VLDLR: variants seen among roughly 807,000 people sequenced by gnomAD.
VLDLR encodes very low density lipoprotein receptor.
Under a neutral mutation model 112.7 loss-of-function variants are expected in VLDLR, and 81 were observed. That is an observed-to-expected ratio of 0.72 (90% CI 0.60 to 0.86). VLDLR has a LOEUF of 0.86. Among genes scored for constraint, VLDLR ranks in the 40% least tolerant of loss-of-function variants. VLDLR has a pLI of 0.00. For missense variants in VLDLR, 1,237 were observed against 1,099.4 expected (o/e 1.13, Z -1.77); for synonymous variants, 436 against 384.8 (o/e 1.13, Z -1.56).
chr9:2,632,055 C>T (rs1234433938), intron 1 of VLDLR, among the ~76,000 whole-genome samples: 1 of 152,126 alleles, frequency 6.6e-6, no homozygotes, highest in East Asian at 1.9e-4. Flanking sequence ...GGAATTCATT[C>T]ATTACAAATT....
At chr9:2,645,534 C>A in intron 9 of VLDLR, 40 bp from the exon 10 acceptor site, 1 of 1,613,896 alleles carries the variant, frequency 6.2e-7, no homozygotes, top group Non-Finnish European at 8.5e-7. Context: ...ACCTTGCCTT[C>A]TTAAAGCAAA....
chr9:2,640,794 T>G (rs2130787056), intron 3 of VLDLR, among the ~76,000 whole-genome samples: 1 of 152,274 alleles, frequency 6.6e-6, no homozygotes. Flanking sequence ...GTAATATTGG[T>G]CAAGGCAAGT....
At chr9:2,631,614 T>C (rs545169949) in intron 1 of VLDLR, among the ~76,000 whole-genome samples, 2 of 152,224 alleles carry the variant, frequency 1.3e-5, no homozygotes, top group East Asian at 3.9e-4. Context: ...CTTAAATATT[T>C]CATTCCATGG....
chr9:2,624,446 G>T (rs1289299491), intron 1 of VLDLR, among the ~76,000 whole-genome samples: 1 of 152,182 alleles, frequency 6.6e-6, no homozygotes, highest in Non-Finnish European at 1.5e-5. Flanking sequence ...CTGAGACTCT[G>T]GCAAGGAACT....
At chr9:2,643,016 C>A in intron 4 of VLDLR, 144 bp from the exon 5 acceptor site, 1 of 1,240,920 alleles carries the variant, frequency 8.1e-7, no homozygotes, top group Non-Finnish European at 1.1e-6. Context: ...TACAAAAGTT[C>A]TTGATTTAAC....
rs751558240 is a variant in VLDLR at position 2,645,590 on chromosome 9, G to C, written c.1329G>C (p.Leu443=). The change falls in exon 10 of 19, where the codon CTG becomes CTC. Residue 443 remains leucine, a synonymous_variant. Coordinates refer to ENST00000382100, the MANE Select transcript of VLDLR (RefSeq NM_003383.5). ...ATCTTGCAGGCAAAGAGCCAAGTCT[G>C]ATCTTCACTAATCGAAGAGACATCA... ...VCKAVGKEPS[L]IFTNRRDIRK... 2.5e-6 allele frequency: 4 copies of C among 1,614,092 alleles called. No homozygotes were observed. The African/African-American group carries it at 5.3e-5, about 22-fold the overall frequency.
chr9:2,648,508 A>G (rs1278180598), intron 13 of VLDLR, among the ~76,000 whole-genome samples, 161 bp downstream of exon 13: 2 of 152,170 alleles, frequency 1.3e-5, no homozygotes, highest in African/African-American at 4.8e-5. Flanking sequence ...TCCCAGAAGC[A>G]CTCCACACCT....
chr9:2,649,892 A>G (rs1262188916), intron 14 of VLDLR, among the ~76,000 whole-genome samples: 5 of 149,172 alleles, frequency 3.4e-5, no homozygotes, highest in African/African-American at 7.4e-5. Flanking sequence ...TAGATTCTCA[A>G]ACACATCGGG....
chr9:2,632,192 T>C (rs1396965632), intron 1 of VLDLR, among the ~76,000 whole-genome samples: 1 of 152,128 alleles, frequency 6.6e-6, no homozygotes, highest in Non-Finnish European at 1.5e-5. Context: ...CTTTTCAAAT[T>C]CTTACACCAA....
rs769691823 is a variant in VLDLR, at chr9:2,643,745, A to G, written c.938A>G (p.Lys313Arg). Reference sequence around the variant, plus strand: ...GATGGTTCCGATGAAGTCAACTGCAAAAATGGTAAGGGTTTCTTCTTGTTG... The same window carrying G: ...GATGGTTCCGATGAAGTCAACTGCAGAAATGGTAAGGGTTTCTTCTTGTTG... ...CVDGSDEVNC[K>R]NVNQCLGPGK... The change falls in exon 6 of 19, where the codon AAA (lysine) becomes AGA (arginine). Residue 313 changes from lysine (K) to arginine (R), a missense_variant. Coordinates refer to ENST00000382100, the MANE Select transcript of VLDLR (RefSeq NM_003383.5). The G allele has an allele frequency of 1.2e-6, 2 of 1,614,228 alleles. No individual in the cohort carries two copies. The highest frequency in any genetic ancestry group is 2.2e-5 in the East Asian group (1 of 44,882).
chr9:2,627,668 G>C (rs1023231625), intron 1 of VLDLR, among the ~76,000 whole-genome samples: 1 of 152,048 alleles, frequency 6.6e-6, no homozygotes, highest in Non-Finnish European at 1.5e-5. Flanking sequence ...TTCGAGACCA[G>C]CCTGGCCAAC....
At position 2,640,463 on chromosome 9, in the gene VLDLR, A is replaced by C. The variant is rs560288331; in HGVS notation, c.325+482A>C. ...TGACTCCTGACACACATGTAACCTC[A>C]AGTTACTAAAATGGAGATCTTACAG... On this transcript the variant is annotated intron_variant, in intron 3 of 18. Coordinates refer to ENST00000382100, the MANE Select transcript of VLDLR (RefSeq NM_003383.5). Among the ~76,000 whole-genome samples, 4 of 152,170 alleles carry C rather than the reference A, an allele frequency of 2.6e-5. No homozygotes were observed. The South Asian group carries it at 8.3e-4, about 31-fold the overall frequency.
rs889019983 is a variant in VLDLR at position 2,654,721 on chromosome 9, G to A, written c.*853G>A. The A allele has an allele frequency of 6.7e-6, 1 of 149,434 alleles. No individual in the cohort carries two copies. Among genetic ancestry groups the A allele is most frequent in the Non-Finnish European group, 1.5e-5 (1 of 66,604 alleles). 9.3% of individuals were successfully genotyped at this position (149,434 alleles called of 1,614,324 possible). A position where few individuals can be genotyped will look rare whatever the true frequency, so the allele number is the denominator to read the frequency against. ...TACCTAGAATTCCTCTTGGTTAGAGGAGTGAGTTTCTTTTTTTTCCATTAA... is the reference window on the plus strand; with the variant it reads ...TACCTAGAATTCCTCTTGGTTAGAGAAGTGAGTTTCTTTTTTTTCCATTAA... On this transcript the variant is annotated 3_prime_UTR_variant, in exon 19 of 19. Transcript: ENST00000382100.
intron 1 of VLDLR, among the ~76,000 whole-genome samples, chr9:2,625,590 T>C (rs1188891523): frequency 6.6e-6 from 1 of 152,232 alleles, no homozygotes; most frequent in Non-Finnish European, 1.5e-5. Context: ...AGGTCTATAA[T>C]GATGTTCGTT....
At position 2,653,819 on chromosome 9, in the gene VLDLR, C is replaced by A. The variant is rs1280475823; in HGVS notation, c.2587-14C>A. On this transcript the variant is annotated splice_polypyrimidine_tract_variant and intron_variant, in intron 18 of 18. Coordinates refer to ENST00000382100, the MANE Select transcript of VLDLR (RefSeq NM_003383.5). ...TGATCACCAAGCTCATTCTATACTTCTTCTTTTCCACAGATATCAGTTGTA... is the reference window on the plus strand; with the variant it reads ...TGATCACCAAGCTCATTCTATACTTATTCTTTTCCACAGATATCAGTTGTA... 6.2e-7 allele frequency: 1 copy of A among 1,613,756 alleles called. No individual in the cohort carries two copies. Among genetic ancestry groups the A allele is most frequent in the Non-Finnish European group, 8.5e-7 (1 of 1,179,816 alleles).
chr9:2,631,764 C>T (rs968706890), intron 1 of VLDLR, among the ~76,000 whole-genome samples: 1 of 151,996 alleles, frequency 6.6e-6, no homozygotes, highest in Non-Finnish European at 1.5e-5. Context: ...AAAACGTGCT[C>T]GCGTGATGGA....
chr9:2,644,153 G>GTTTTTT (rs59793046), intron 7 of VLDLR, among the ~76,000 whole-genome samples, 194 bp downstream of exon 7: 28 of 96,346 alleles, frequency 2.9e-4, no homozygotes, highest in South Asian at 1.1e-3. Context: ...TGTTTTTGTT[G>GTTTTTT]TTTTTTTTTT....
rs558610106 is a variant in VLDLR, at chr9:2,637,929, C to T, written c.203-1930C>T. Among the ~76,000 whole-genome samples, 22 of 151,986 alleles carry T rather than the reference C, an allele frequency of 1.4e-4. No individual in the cohort carries two copies. The East Asian group carries it at 3.7e-3, about 25-fold the overall frequency. Reference sequence around the variant, plus strand: ...CTGCACTCCAGCCTGGGTGACAGAGCGAGACTCCATCTCAAAAAAATAAAT... The same window carrying T: ...CTGCACTCCAGCCTGGGTGACAGAGTGAGACTCCATCTCAAAAAAATAAAT... On this transcript the variant is annotated intron_variant, in intron 2 of 18. Coordinates refer to ENST00000382100, the MANE Select transcript of VLDLR (RefSeq NM_003383.5).
At position 2,643,145 on chromosome 9, in the gene VLDLR, C is replaced by A. The variant is rs777632259; in HGVS notation, c.449-15C>A. On this transcript the variant is annotated splice_polypyrimidine_tract_variant and intron_variant, in intron 4 of 18. Coordinates refer to ENST00000382100, the MANE Select transcript of VLDLR (RefSeq NM_003383.5). ...TCTTGATGCATTTTCAGTGGGGCAT[C>A]CTCTCTCTTAATAGGCAATATAACA... 3.1e-6 allele frequency: 5 copies of A among 1,607,052 alleles called. No individual in the cohort carries two copies. The highest frequency in any genetic ancestry group is 2.7e-5 in the African/African-American group (2 of 75,022).
Sources: allele counts gnomAD v4.1 joint callset (sites outside exome capture counted in the v4.1 genomes callset), GRCh38; gene constraint gnomAD v4.1.1; transcripts MANE v1.5; gene names NCBI Gene and HGNC (gene_info 2026-07-23, HGNC 2026-07-21).